The following PHF3 variants were observed in gnomAD, a reference collection of about 807,000 sequenced individuals.
The protein encoded by PHF3 is PHD finger protein 3.
PHF3 carries 41 observed loss-of-function variants against 178.4 expected under a neutral mutation model. The observed-to-expected ratio is 0.23, with a 90% confidence interval of 0.18 to 0.30. The LOEUF (loss-of-function observed/expected upper bound fraction) is 0.30. Among genes scored for constraint, PHF3 ranks in the 10% least tolerant of loss-of-function variants. The pLI is 1.00. For missense variants in PHF3, 2,346 were observed against 2,398.1 expected (o/e 0.98, Z 0.45); for synonymous variants, 842 against 800.5 (o/e 1.05, Z -0.88).
intron 1 of PHF3, among the ~76,000 whole-genome samples, chr6:63,643,598 C>T (rs1296620338): frequency 6.6e-6 from 1 of 152,184 alleles, no homozygotes; most frequent in African/African-American, 2.4e-5. Flanking sequence ...ACATGTCTCA[C>T]ACAATGGTAG....
chr6:63,664,175 G>T (rs1765583884), intron 2 of PHF3, among the ~76,000 whole-genome samples: 1 of 152,180 alleles, frequency 6.6e-6, no homozygotes, highest in Admixed American at 6.5e-5. Context: ...CCTTTTCCTA[G>T]TTCATTGGTC....
intron 2 of PHF3, among the ~76,000 whole-genome samples, chr6:63,665,162 A>T (rs1274607800): frequency 6.6e-6 from 1 of 152,134 alleles, no homozygotes; most frequent in Non-Finnish European, 1.5e-5. Flanking sequence ...CAATTTTCTT[A>T]GCCCGAGTTT....
chr6:63,673,800 A>G (rs1368911296), intron 2 of PHF3, among the ~76,000 whole-genome samples: 1 of 152,206 alleles, frequency 6.6e-6, no homozygotes, highest in Non-Finnish European at 1.5e-5. Flanking sequence ...TGGGCACCAA[A>G]CTGTGGCTGT....
intron 1 of PHF3, among the ~76,000 whole-genome samples, chr6:63,637,752 C>A (rs1764407622): frequency 6.6e-6 from 1 of 152,056 alleles, no homozygotes; most frequent in Non-Finnish European, 1.5e-5. Context: ...CTGATTGAGC[C>A]ACACAATCAG....
chr6:63,651,525 C>G lies in PHF3; in HGVS notation c.244+4730C>G, dbSNP rs1765019442. Among the ~76,000 whole-genome samples, 3 of 152,204 alleles carry G rather than the reference C, an allele frequency of 2.0e-5. No homozygotes were observed. The Middle Eastern group carries it at 0.01, about 518-fold the overall frequency. On this transcript the variant is annotated intron_variant, in intron 2 of 15. Coordinates refer to ENST00000262043, the MANE Select transcript of PHF3 (RefSeq NM_001370348.2). ...TACAGGGGCCTGCCACCATGCCCAG[C>G]TAGTTTTTGTATTTTTGGTAGAGAC... is the stretch of plus-strand genomic sequence containing the variant.
chr6:63,692,079 A>G, intron 5 of PHF3, 36 bp downstream of exon 5: 1 of 1,476,030 alleles, frequency 6.8e-7, no homozygotes, highest in Non-Finnish European at 9.2e-7. Flanking sequence ...TTGTTTATTT[A>G]AGAGCTTTTT....
In PHF3 at chr6:63,685,356, T is replaced by G; in HGVS notation, c.1634T>G (p.Val545Gly). 6 of 1,613,980 alleles carry G rather than the reference T, an allele frequency of 3.7e-6. No homozygotes were observed. Among genetic ancestry groups the G allele is most frequent in the Non-Finnish European group, 4.2e-6 (5 of 1,179,974 alleles). The change falls in exon 4 of 16, where the codon GTC becomes GGC. Residue 545 changes from valine to glycine, a missense_variant. By Grantham distance (109) the Val-to-Gly change is moderately radical (BLOSUM62 -3). This residue lies in a region of PHF3 where 843 missense variants were observed against 795.2 expected (regional missense o/e 1.06). Transcript: ENST00000262043. ...TCTCAGCAAAATTTTCATAGGCCAG[T>G]CAAAGTCAGAAAAAAACAAATTGAT... is the stretch of plus-strand genomic sequence containing the variant. Reference protein sequence around the residue: ...PESQQNFHRPVKVRKKQIDKE... With the variant: ...PESQQNFHRPGKVRKKQIDKE...
rs181069019 is a variant in PHF3 at position 63,672,781 on chromosome 6, A to G, written c.245-7219A>G. On this transcript the variant is annotated intron_variant, in intron 2 of 15. Coordinates refer to ENST00000262043, the MANE Select transcript of PHF3 (RefSeq NM_001370348.2). ...AACTTGGGAGTATGTGCCTGTAACAATAGCTGAGTATTGGTCAATCCCAGC... is the reference window on the plus strand; with the variant it reads ...AACTTGGGAGTATGTGCCTGTAACAGTAGCTGAGTATTGGTCAATCCCAGC... Among the ~76,000 whole-genome samples the G allele has an allele frequency of 6.6e-5, 10 of 152,332 alleles. No individual in the cohort carries two copies. The East Asian group carries it at 1.7e-3, about 26-fold the overall frequency.
chr6:63,700,599 T>C, intron 9 of PHF3, 133 bp downstream of exon 9: 1 of 542,060 alleles, frequency 1.8e-6, no homozygotes, highest in South Asian at 2.6e-5. Context: ...CTTCTTTTTT[T>C]TTTGAGATGG....
rs1454881591 is a variant in PHF3 at position 63,691,955 on chromosome 6, A to G, written c.2408A>G (p.Glu803Gly). 6.2e-7 allele frequency: 1 copy of G among 1,613,850 alleles called. No individual in the cohort carries two copies. Among genetic ancestry groups the G allele is most frequent in the East Asian group, 2.2e-5 (1 of 44,850 alleles). The change falls in exon 5 of 16, where the codon GAA becomes GGA. Residue 803 changes from glutamate to glycine, a missense_variant. Glu to Gly is a moderately conservative substitution (Grantham distance 98). Coordinates refer to ENST00000262043, the MANE Select transcript of PHF3 (RefSeq NM_001370348.2). ...FHSGDKTMECEKLGLSKHTTN... is the reference protein window; with the variant it reads ...FHSGDKTMECGKLGLSKHTTN... Reference sequence around the variant, plus strand: ...AGTGGAGATAAAACAATGGAGTGTGAAAAGCTTGGATTATCAAAACACACA... The same window carrying G: ...AGTGGAGATAAAACAATGGAGTGTGGAAAGCTTGGATTATCAAAACACACA...
Position 63,684,520 on chromosome 6 carries a change from A to G in PHF3, c.798A>G (p.Gly266=), listed in dbSNP as rs1195180062. Residue 266 remains glycine (G), a synonymous_variant, in exon 4 of 16, where the codon GGA becomes GGG. Transcript: ENST00000262043. ...SLLSETCVTI[G]EKKNEALMEC... ...TTTCAGAGACTTGTGTTACTATTGG[A>G]GAAAAGAAAAATGAAGCTTTGATGG... is the stretch of plus-strand genomic sequence containing the variant. 1.2e-6 allele frequency: 2 copies of G among 1,613,364 alleles called. No individual in the cohort carries two copies. The highest frequency in any genetic ancestry group is 1.3e-5 in the African/African-American group (1 of 74,970).
intron 13 of PHF3, 25 bp from the exon 14 acceptor site, chr6:63,709,126 C>A: frequency 8.8e-7 from 1 of 1,137,268 alleles, no homozygotes; most frequent in Non-Finnish European, 1.3e-6. Context: ...ATATATTGAT[C>A]TCTTTTTTTT....
rs186723109 is a variant in PHF3, at chr6:63,642,546, T to C, written c.-25-3981T>C. Reference sequence around the variant, plus strand: ...ATATACTTAGCTGCATATATTCTGTTGTCTGTAAAAATGAATTTACCCAGA... The same window carrying C: ...ATATACTTAGCTGCATATATTCTGTCGTCTGTAAAAATGAATTTACCCAGA... On this transcript the variant is annotated intron_variant, in intron 1 of 15. Coordinates refer to ENST00000262043, the MANE Select transcript of PHF3 (RefSeq NM_001370348.2). Among the ~76,000 whole-genome samples the C allele has an allele frequency of 9.0e-4, 137 of 152,354 alleles. 1 individual carries two copies. Among genetic ancestry groups the C allele is most frequent in the Non-Finnish European group, 1.7e-3 (117 of 68,032 alleles).
Position 63,713,492 on chromosome 6 carries a change from TAAAG to T in PHF3, c.5906_5909del (p.Lys1969ArgfsTer23), listed in dbSNP as rs751999471. ...AAAGCAGGGAGGAAGGGCACAAAGA[TAAAG>T]AGAGGGCACGGTTATCACATGGTGA... On this transcript the variant is annotated frameshift_variant, in exon 16 of 16. Coordinates refer to ENST00000262043, the MANE Select transcript of PHF3 (RefSeq NM_001370348.2). LOFTEE classifies it high-confidence loss of function. The T allele has an allele frequency of 3.7e-6, 6 of 1,613,168 alleles. No individual in the cohort carries two copies. Among genetic ancestry groups the T allele is most frequent in the African/African-American group, 1.3e-5 (1 of 74,700 alleles).
At position 63,712,526 on chromosome 6, in the gene PHF3, C is replaced by T; in HGVS notation, c.4938C>T (p.Ile1646=). The T allele has an allele frequency of 1.9e-6, 3 of 1,613,796 alleles. No individual in the cohort carries two copies. Among genetic ancestry groups the T allele is most frequent in the Non-Finnish European group, 2.5e-6 (3 of 1,179,882 alleles). ...ATACAGCGAGGTCTCCACAGTTTAT[C>T]AACCTGAAAAGGGATCCTAGGCAAG... The part of the protein sequence containing the change: ...VANTARSPQF[I]NLKRDPRQAA... The change falls in exon 16 of 16, where the codon ATC becomes ATT. Residue 1646 remains isoleucine (I), a synonymous_variant. Coordinates refer to ENST00000262043, the MANE Select transcript of PHF3 (RefSeq NM_001370348.2).
In PHF3 at chr6:63,646,806, C is replaced by CTTTTTT. The variant is rs11285703; in HGVS notation, c.244+28_244+33dup. The CTTTTTT allele has an allele frequency of 8.9e-6, 9 of 1,013,520 alleles. No homozygotes were observed. The highest frequency in any genetic ancestry group is 4.8e-5 in the South Asian group (1 of 20,886). The allele number at this position is 1,013,520 out of a possible 1,614,324, so 62.8% of individuals were successfully genotyped here. A position where few individuals can be genotyped will look rare whatever the true frequency, so the allele number is the denominator to read the frequency against. Reference sequence around the variant, plus strand: ...TGCCTTGTTCAACAGGTAATTCTTACTTTTTTTTTTTTTTTTTTTTTTAGT... The same window carrying CTTTTTT: ...TGCCTTGTTCAACAGGTAATTCTTACTTTTTTTTTTTTTTTTTTTTTTTTTTTTAGT... On this transcript the variant is annotated intron_variant, in intron 2 of 15. Coordinates refer to ENST00000262043, the MANE Select transcript of PHF3 (RefSeq NM_001370348.2).
Position 63,721,208 on chromosome 6 carries a change from C to T in PHF3, c.*7500C>T, listed in dbSNP as rs1346744614. The T allele has an allele frequency of 6.4e-6, 10 of 1,551,546 alleles. No homozygotes were observed. Among genetic ancestry groups the T allele is most frequent in the Non-Finnish European group, 8.7e-6 (10 of 1,146,938 alleles). ...TTTCACAATACCTTCCCACCCAACC[C>T]AAAGTACACAGGCAACTGTAAGAAA... is the stretch of plus-strand genomic sequence containing the variant. On this transcript the variant is annotated 3_prime_UTR_variant, in exon 16 of 16. Coordinates refer to ENST00000262043, the MANE Select transcript of PHF3 (RefSeq NM_001370348.2).
intron 14 of PHF3, among the ~76,000 whole-genome samples, chr6:63,710,151 A>G (rs556155272): frequency 1.8e-4 from 27 of 152,308 alleles, no homozygotes; most frequent in African/African-American, 4.3e-4. Context: ...TTGTTCCAGT[A>G]TAGATTTTTA....
rs1220227379 is a variant in PHF3, at chr6:63,685,346, C to T, written c.1624C>T (p.His542Tyr). 11 of 1,613,818 alleles carry T rather than the reference C, an allele frequency of 6.8e-6. No homozygotes were observed. Among genetic ancestry groups the T allele is most frequent in the African/African-American group, 1.3e-5 (1 of 74,858 alleles). ...TDVPESQQNF[H>Y]RPVKVRKKQI... ...TGTACCAGAATCTCAGCAAAATTTT[C>T]ATAGGCCAGTCAAAGTCAGAAAAAA... The change falls in exon 4 of 16, where the codon CAT becomes TAT. Residue 542 changes from histidine (H) to tyrosine (Y), a missense_variant. By Grantham distance (83) the His-to-Tyr change is moderately conservative. Transcript: ENST00000262043.
Sources: allele counts gnomAD v4.1 joint callset (sites outside exome capture counted in the v4.1 genomes callset), GRCh38; gene constraint gnomAD v4.1.1; regional missense constraint gnomAD v4.1.1; transcripts MANE v1.5; gene names NCBI Gene and HGNC (gene_info 2026-07-23, HGNC 2026-07-21).